Variants in KCNU1 observed in about 807,000 individuals in gnomAD.
KCNU1 encodes the protein potassium channel subfamily U member 1.
In KCNU1, 93 loss-of-function variants were observed where a neutral mutation model predicts 126.8. The ratio of observed to expected loss-of-function variants is 0.73; its 90% CI spans 0.62 to 0.87. The LOEUF (loss-of-function observed/expected upper bound fraction) is 0.87, where lower values mean the gene tolerates loss of function less well. KCNU1 is among the 40% of genes least tolerant of loss of function. KCNU1 has a pLI of 0.00. For synonymous variants in KCNU1, 523 were observed against 494.2 expected, an observed-to-expected ratio of 1.06 and a Z score of -0.77; for missense variants, 1,330 against 1,367.1, an observed-to-expected ratio of 0.97 and a Z score of 0.43.
chr8:36,894,868 C>CTA (rs1807121514), intron 19 of KCNU1, among the ~76,000 whole-genome samples: 1 of 152,014 alleles, frequency 6.6e-6, no homozygotes, highest in Non-Finnish European at 1.5e-5. Flanking sequence ...TGCATAAAGA[C>CTA]TATAGTCCTT....
intron 19 of KCNU1, among the ~76,000 whole-genome samples, chr8:36,877,566 G>A (rs552515064): frequency 1.3e-5 from 2 of 152,166 alleles, no homozygotes; most frequent in African/African-American, 4.8e-5. Flanking sequence ...GCCTCCCAAA[G>A]TGCTGGGATT....
chr8:36,840,439 G>A (rs764835738), intron 14 of KCNU1, 24 bp from the exon 15 acceptor site: 32 of 1,143,076 alleles, frequency 2.8e-5, no homozygotes, highest in African/African-American at 4.6e-5. Flanking sequence ...GTTTTGCTTC[G>A]TGTGGCATGA....
chr8:36,895,357 G>A (rs993808336), intron 19 of KCNU1, among the ~76,000 whole-genome samples: 7 of 152,200 alleles, frequency 4.6e-5, no homozygotes, highest in African/African-American at 1.4e-4. Context: ...GGGATTGCAA[G>A]CATGAGCCAC....
At chr8:36,879,015 A>G (rs937234367) in intron 19 of KCNU1, among the ~76,000 whole-genome samples, 5 of 148,048 alleles carry the variant, frequency 3.4e-5, no homozygotes, top group Admixed American at 2.0e-4. Context: ...ATAGCAAATC[A>G]TCGGGACTTT....
intron 10 of KCNU1, among the ~76,000 whole-genome samples, chr8:36,823,836 CTTTTTTTTT>C (rs11364462): frequency 1.5e-5 from 2 of 129,402 alleles, no homozygotes; most frequent in Non-Finnish European, 3.3e-5. Flanking sequence ...TTGTTCAAAC[CTTTTTTTTT>C]TTTTTTTTTG....
intron 19 of KCNU1, among the ~76,000 whole-genome samples, chr8:36,868,769 C>T (rs890275684): frequency 2.0e-5 from 3 of 152,226 alleles, no homozygotes; most frequent in Admixed American, 6.5e-5. Context: ...AATAAGTATA[C>T]AAACATTAGC....
At chr8:36,873,490 T>A (rs1395493134) in intron 19 of KCNU1, among the ~76,000 whole-genome samples, 1 of 152,218 alleles carries the variant, frequency 6.6e-6, no homozygotes, top group African/African-American at 2.4e-5. Context: ...TACAATTATT[T>A]ATACGTTTTA....
chr8:36,911,159 T>TG, intron 22 of KCNU1, 40 bp downstream of exon 22: 1 of 1,490,140 alleles, frequency 6.7e-7, no homozygotes, highest in African/African-American at 1.4e-5. Context: ...CTAGGACGTA[T>TG]GGAAAAAAAG....
At chr8:36,903,050 G>A (rs1807480491) in intron 19 of KCNU1, among the ~76,000 whole-genome samples, 2 of 152,024 alleles carry the variant, frequency 1.3e-5, no homozygotes, top group Admixed American at 1.3e-4. Context: ...ATTGCATCAA[G>A]ACCTTGGCCA....
chr8:36,844,119 C>T (rs1805054873), intron 16 of KCNU1, among the ~76,000 whole-genome samples: 1 of 152,162 alleles, frequency 6.6e-6, no homozygotes, highest in African/African-American at 2.4e-5. Flanking sequence ...TGGCTCATGC[C>T]TGTAATCTCA....
At chr8:36,793,338 G>C (rs556774972) in intron 2 of KCNU1, among the ~76,000 whole-genome samples, 76 of 151,154 alleles carry the variant, frequency 5.0e-4, no homozygotes, top group Non-Finnish European at 1.0e-3. Context: ...ATGTACCCTA[G>C]AACTTAAAGT....
In KCNU1 at chr8:36,789,497, T is replaced by C. The variant is rs186849066; in HGVS notation, c.315+2072T>C. On this transcript the variant is annotated intron_variant, in intron 2 of 26. Transcript: ENST00000399881. ...TTTCCTTCCTTTGTAATTCTTTTAC[T>C]TCTTTCAACAAATATTTATTGTTTG... Among the ~76,000 whole-genome samples the C allele has an allele frequency of 6.0e-4, 92 of 152,344 alleles. 1 individual carries two copies. The highest frequency in any genetic ancestry group is 2.2e-3 in the African/African-American group (90 of 41,582).
At chr8:36,916,427 G>T (rs1380597964) in intron 22 of KCNU1, among the ~76,000 whole-genome samples, 2 of 150,026 alleles carry the variant, frequency 1.3e-5, no homozygotes, top group African/African-American at 4.9e-5. Context: ...GGAAAGGAAA[G>T]AAATTAGAAA....
intron 19 of KCNU1, among the ~76,000 whole-genome samples, chr8:36,866,047 G>A (rs1464004150): frequency 6.6e-6 from 1 of 151,980 alleles, no homozygotes; most frequent in Non-Finnish European, 1.5e-5. Context: ...GGGAGCTGTT[G>A]GTCAAAAGGT....
chr8:36,860,966 A>G (rs1180757858), intron 18 of KCNU1, among the ~76,000 whole-genome samples: 1 of 151,710 alleles, frequency 6.6e-6, no homozygotes, highest in Non-Finnish European at 1.5e-5. Context: ...TTAAGGAGGA[A>G]TGACCCCAGC....
chr8:36,889,512 G>T (rs1453607508), intron 19 of KCNU1, among the ~76,000 whole-genome samples: 1 of 152,022 alleles, frequency 6.6e-6, no homozygotes, highest in East Asian at 1.9e-4. Flanking sequence ...AAAATAAAAT[G>T]CATTTAAACT....
intron 11 of KCNU1, 47 bp downstream of exon 11, chr8:36,833,706 C>A: frequency 2.7e-6 from 3 of 1,093,802 alleles, no homozygotes; most frequent in Non-Finnish European, 2.8e-6. Flanking sequence ...TTAGTTGCAA[C>A]AATTAAAATA....
intron 18 of KCNU1, among the ~76,000 whole-genome samples, chr8:36,847,093 G>A (rs909499560): frequency 6.6e-6 from 1 of 152,154 alleles, no homozygotes; most frequent in Non-Finnish European, 1.5e-5. Flanking sequence ...AACAACCAAT[G>A]AATCTGCTCC....
At chr8:36,795,582 C>A (rs1220875788) in intron 2 of KCNU1, 1 of 152,782 alleles carries the variant, frequency 6.5e-6, no homozygotes, top group Non-Finnish European at 1.5e-5. Context: ...TTGCCCCTTC[C>A]TTTGCAGAAG....
Sources: allele counts gnomAD v4.1 joint callset (sites outside exome capture counted in the v4.1 genomes callset), GRCh38; gene constraint gnomAD v4.1.1; transcripts MANE v1.5; gene names NCBI Gene and HGNC (gene_info 2026-07-23, HGNC 2026-07-21).